The following ASIC2 variants were observed in gnomAD, a reference collection of about 807,000 sequenced individuals.
The protein encoded by ASIC2 is acid sensing ion channel subunit 2.
In ASIC2, 25 loss-of-function variants were observed where a neutral mutation model predicts 57.3. The observed-to-expected ratio is 0.44, with a 90% confidence interval of 0.32 to 0.61. The LOEUF is 0.61. Among genes scored for constraint, ASIC2 ranks in the 20% least tolerant of loss-of-function variants. ASIC2 has a pLI of 0.06. For synonymous variants in ASIC2, 319 were observed against 307.5 expected, an observed-to-expected ratio of 1.04 and a Z score of -0.39; for missense variants, 641 against 738.1, an observed-to-expected ratio of 0.87 and a Z score of 1.52.
intron 1 of ASIC2, among the ~76,000 whole-genome samples, chr17:33,695,346 A>C (rs1437764876): frequency 6.6e-6 from 1 of 152,208 alleles, no homozygotes; most frequent in East Asian, 1.9e-4. Flanking sequence ...GAAAGAGGCC[A>C]CTGCTATGGG....
intron 7 of ASIC2, among the ~76,000 whole-genome samples, chr17:33,018,936 T>G (rs1206020083): frequency 6.6e-6 from 1 of 152,068 alleles, no homozygotes; most frequent in African/African-American, 2.4e-5. Context: ...CTTCTCAGCT[T>G]ATGGCTGGGT....
chr17:33,468,476 G>A (rs961968664), intron 1 of ASIC2, among the ~76,000 whole-genome samples: 7 of 151,960 alleles, frequency 4.6e-5, no homozygotes, highest in East Asian at 3.9e-4. Context: ...CATTTTAACC[G>A]TATTATATAC....
chr17:33,466,241 T>A (rs997116587), intron 1 of ASIC2, among the ~76,000 whole-genome samples: 4 of 152,252 alleles, frequency 2.6e-5, no homozygotes, highest in Middle Eastern at 3.4e-3. Context: ...CATTCGCAAT[T>A]GCTACAAAGG....
intron 1 of ASIC2, among the ~76,000 whole-genome samples, chr17:34,112,610 G>T (rs889188832): frequency 6.6e-6 from 1 of 152,150 alleles, no homozygotes; most frequent in Non-Finnish European, 1.5e-5. Context: ...CACCAACACG[G>T]AATGCCTTAT....
At chr17:33,508,972 CA>C (rs1234127183) in intron 1 of ASIC2, among the ~76,000 whole-genome samples, 2 of 152,320 alleles carry the variant, frequency 1.3e-5, no homozygotes, top group East Asian at 3.9e-4. Context: ...GTTACAATCT[CA>C]ATCCTTTACT....
intron 1 of ASIC2, among the ~76,000 whole-genome samples, chr17:33,795,202 G>T (rs1049380455): frequency 6.6e-6 from 1 of 152,154 alleles, no homozygotes; most frequent in Non-Finnish European, 1.5e-5. Flanking sequence ...TAGGTCTGAG[G>T]CACCTATTCC....
At chr17:34,154,414 C>T (rs1904636936) in intron 1 of ASIC2, among the ~76,000 whole-genome samples, 1 of 152,198 alleles carries the variant, frequency 6.6e-6, no homozygotes, top group African/African-American at 2.4e-5. Context: ...CTTTAGCATA[C>T]ACTACTGCCG....
At chr17:33,144,516 C>T (rs988132207) in intron 1 of ASIC2, among the ~76,000 whole-genome samples, 3 of 152,160 alleles carry the variant, frequency 2.0e-5, no homozygotes, top group African/African-American at 7.2e-5. Flanking sequence ...CAATAAACTC[C>T]TCCCTTTACC....
intron 1 of ASIC2, among the ~76,000 whole-genome samples, chr17:33,763,416 C>A (rs1288351251): frequency 2.0e-5 from 3 of 152,184 alleles, no homozygotes; most frequent in Non-Finnish European, 2.9e-5. Context: ...GGTCTTTCAG[C>A]CCTTCCTCAC....
intron 1 of ASIC2, among the ~76,000 whole-genome samples, chr17:33,183,523 T>C (rs368180449): frequency 2.4e-4 from 36 of 152,336 alleles, no homozygotes; most frequent in African/African-American, 8.2e-4. Flanking sequence ...AAAAGGATAC[T>C]GGTTTTAAAA....
Position 33,234,916 on chromosome 17 carries a change from C to T in ASIC2, c.708+56492G>A, listed in dbSNP as rs371985509. ...CAAACATTCAGACCATAACACTATG[C>T]GTGCCCCTGAGTTCCTCTGTGAGTT... On this transcript the variant is annotated intron_variant, in intron 1 of 9. Transcript: ENST00000225823. Among the ~76,000 whole-genome samples the T allele has an allele frequency of 6.9e-4, 105 of 152,324 alleles. 3 individuals carry two copies. In the South Asian group the frequency reaches 0.021, roughly 31 times the overall value.
intron 3 of ASIC2, among the ~76,000 whole-genome samples, chr17:33,031,862 T>C (rs576597305): frequency 9.2e-5 from 14 of 152,344 alleles, no homozygotes; most frequent in Non-Finnish European, 1.9e-4. Context: ...TCTCATACAA[T>C]GTCCTTGTTT....
chr17:33,181,739 A>T (rs980214389), intron 1 of ASIC2, among the ~76,000 whole-genome samples: 7 of 152,236 alleles, frequency 4.6e-5, no homozygotes, highest in African/African-American at 1.7e-4. Context: ...GTTTGCACTT[A>T]GTTCCAAATA....
At chr17:33,115,543 C>T (rs1482049797) in intron 1 of ASIC2, among the ~76,000 whole-genome samples, 1 of 152,148 alleles carries the variant, frequency 6.6e-6, no homozygotes, top group South Asian at 2.1e-4. Context: ...CAGGCATTTC[C>T]GCATGCCTAG....
chr17:33,502,095 T>C (rs1187980959), intron 1 of ASIC2, among the ~76,000 whole-genome samples: 2 of 151,806 alleles, frequency 1.3e-5, no homozygotes, highest in Non-Finnish European at 2.9e-5. Context: ...TCCAGGCTAC[T>C]GTCAAGATCT....
chr17:33,718,581 G>C (rs1430451700), intron 1 of ASIC2, among the ~76,000 whole-genome samples: 2 of 152,112 alleles, frequency 1.3e-5, no homozygotes, highest in African/African-American at 4.8e-5. Context: ...TGGAGGACAG[G>C]GGTGACTTAG....
chr17:33,415,738 A>T (rs1597720533), intron 1 of ASIC2, among the ~76,000 whole-genome samples: 1 of 152,214 alleles, frequency 6.6e-6, no homozygotes, highest in Admixed American at 6.5e-5. Context: ...TTAAAAGAAT[A>T]AGATAGCAGA....
chr17:33,751,934 G>A (rs1477315825), intron 1 of ASIC2, among the ~76,000 whole-genome samples: 13 of 150,484 alleles, frequency 8.6e-5, no homozygotes, highest in Non-Finnish European at 1.8e-4. Context: ...TAGGGAAGCC[G>A]GGGGTGGGGG....
intron 1 of ASIC2, among the ~76,000 whole-genome samples, chr17:33,659,915 T>TA (rs374452736): frequency 2.4e-5 from 3 of 123,522 alleles, no homozygotes; most frequent in Non-Finnish European, 5.1e-5. Context: ...AATAAATAAA[T>TA]AAAATAAAAA....
Sources: allele counts gnomAD v4.1 joint callset (sites outside exome capture counted in the v4.1 genomes callset), GRCh38; gene constraint gnomAD v4.1.1; transcripts MANE v1.5; gene names NCBI Gene and HGNC (gene_info 2026-07-23, HGNC 2026-07-21).